Variants in ROBO2 observed in about 807,000 individuals in gnomAD.
The protein encoded by ROBO2 is roundabout guidance receptor 2.
A neutral mutation model predicts 160.8 loss-of-function variants in ROBO2; 53 were observed. The observed-to-expected ratio is 0.33, with a 90% confidence interval of 0.26 to 0.41. ROBO2 has a LOEUF of 0.41. Among genes scored for constraint, ROBO2 ranks in the 10% least tolerant of loss-of-function variants. The pLI is 1.00. For synonymous variants in ROBO2, 664 were observed against 611.7 expected (o/e 1.09, Z -1.26); for missense variants, 1,577 against 1,722.4 (o/e 0.92, Z 1.49).
intron 2 of ROBO2, among the ~76,000 whole-genome samples, chr3:77,345,336 T>C (rs1300676094): frequency 6.6e-6 from 1 of 152,088 alleles, no homozygotes; most frequent in East Asian, 1.9e-4. Context: ...CATGGCAGAC[T>C]TGGAAATCAC....
chr3:77,084,610 C>T (rs1192864239), intron 1 of ROBO2, among the ~76,000 whole-genome samples: 1 of 152,026 alleles, frequency 6.6e-6, no homozygotes, highest in Non-Finnish European at 1.5e-5. Context: ...GAGGTTAATT[C>T]CATGTCCACA....
Position 76,769,943 on chromosome 3 carries a change from A to G in ROBO2, c.110-328071A>G, listed in dbSNP as rs774612581. ...TTCCTGCAGTCTCTCTTAAATGACT[A>G]TTTTCCATTCTTGAATAATTACTGG... On this transcript the variant is annotated intron_variant, in intron 2 of 26. Transcript: ENST00000487694. Among the ~76,000 whole-genome samples, 149 of 151,472 alleles carry G rather than the reference A, an allele frequency of 9.8e-4. 2 individuals carry two copies. The highest frequency in any genetic ancestry group is 1.9e-3 in the Non-Finnish European group (128 of 67,586).
chr3:76,406,101 TATTG>T (rs1188601179), intron 2 of ROBO2, among the ~76,000 whole-genome samples: 1 of 151,766 alleles, frequency 6.6e-6, no homozygotes, highest in African/African-American at 2.4e-5. Context: ...TTCATTTCAG[TATTG>T]ATTGTATTCA....
At chr3:76,251,765 C>A (rs1576103672) in intron 2 of ROBO2, among the ~76,000 whole-genome samples, 1 of 151,902 alleles carries the variant, frequency 6.6e-6, no homozygotes, top group Non-Finnish European at 1.5e-5. Context: ...GGATAAAATC[C>A]TCAGTGGATG....
chr3:77,183,504 A>ACAGTGGAAAGAC (rs1171396764), intron 2 of ROBO2, among the ~76,000 whole-genome samples: 3 of 152,002 alleles, frequency 2.0e-5, no homozygotes, highest in Non-Finnish European at 4.4e-5. Flanking sequence ...ACAAACACAC[A>ACAGTGGAAAGAC]CAGTGGAAAG....
chr3:76,095,831 A>G (rs1358641353), intron 2 of ROBO2, among the ~76,000 whole-genome samples: 4 of 151,982 alleles, frequency 2.6e-5, no homozygotes, highest in African/African-American at 9.7e-5. Context: ...CTAACATACA[A>G]ACAAAGCAAA....
At chr3:76,196,294 A>G (rs902271058) in intron 2 of ROBO2, among the ~76,000 whole-genome samples, 4 of 152,194 alleles carry the variant, frequency 2.6e-5, no homozygotes, top group African/African-American at 9.6e-5. Context: ...CACTATCCTA[A>G]GAATCATATA....
At chr3:77,250,709 G>A (rs1330234712) in intron 2 of ROBO2, among the ~76,000 whole-genome samples, 1 of 152,174 alleles carries the variant, frequency 6.6e-6, no homozygotes, top group Non-Finnish European at 1.5e-5. Flanking sequence ...AGATGCATCT[G>A]GTGTTGGCCT....
At chr3:77,097,179 A>G (rs981451356) in intron 1 of ROBO2, among the ~76,000 whole-genome samples, 2 of 152,190 alleles carry the variant, frequency 1.3e-5, no homozygotes, top group African/African-American at 4.8e-5. Flanking sequence ...CTTCCTGATT[A>G]TGAAATGTAC....
At chr3:77,299,571 A>G (rs1384496998) in intron 2 of ROBO2, among the ~76,000 whole-genome samples, 1 of 152,176 alleles carries the variant, frequency 6.6e-6, no homozygotes. Flanking sequence ...AAACCATCAG[A>G]TTCCCTGAGA....
At chr3:76,388,045 G>A (rs993018370) in intron 2 of ROBO2, among the ~76,000 whole-genome samples, 9 of 152,102 alleles carry the variant, frequency 5.9e-5, no homozygotes, top group African/African-American at 1.2e-4. Flanking sequence ...AGTTTCTTCC[G>A]GTAAACATAC....
intron 2 of ROBO2, among the ~76,000 whole-genome samples, chr3:77,362,904 G>A (rs982772671): frequency 1.2e-4 from 18 of 152,048 alleles, no homozygotes; most frequent in African/African-American, 3.9e-4. Flanking sequence ...TTCATTATCA[G>A]GAGAACAGCA....
In ROBO2 at chr3:76,020,007, G is replaced by A. The variant is rs552924181; in HGVS notation, c.109+82405G>A. Among the ~76,000 whole-genome samples the A allele has an allele frequency of 5.9e-5, 9 of 152,048 alleles. No homozygotes were observed. The East Asian group carries it at 1.5e-3, about 26-fold the overall frequency. ...TTCGGTTTTCTCTGAAGCTCCATGT[G>A]TATCTGAGAATACTGTGTATTCCTT... is the stretch of plus-strand genomic sequence containing the variant. On this transcript the variant is annotated intron_variant, in intron 2 of 26. Transcript: ENST00000487694.
At chr3:76,678,590 ATTTTTG>A (rs2092474101) in intron 2 of ROBO2, among the ~76,000 whole-genome samples, 1 of 152,078 alleles carries the variant, frequency 6.6e-6, no homozygotes, top group Non-Finnish European at 1.5e-5. Flanking sequence ...AGGATCTATG[ATTTTTG>A]TTTTTGTTTT....
chr3:76,705,098 G>C (rs267156), intron 2 of ROBO2, among the ~76,000 whole-genome samples: 74,617 of 151,802 alleles, frequency 0.49, 18,594 homozygotes, highest in Non-Finnish European at 0.53. Context: ...AAGTGAATGA[G>C]ATTTTAGTTA....
At chr3:75,943,800 C>T (rs535724681) in intron 2 of ROBO2, among the ~76,000 whole-genome samples, 1 of 152,060 alleles carries the variant, frequency 6.6e-6, no homozygotes, top group East Asian at 1.9e-4. Flanking sequence ...CTCCCGGGCT[C>T]AATGGTTCTC....
intron 2 of ROBO2, among the ~76,000 whole-genome samples, chr3:76,192,185 T>A (rs1242708021): frequency 6.7e-6 from 1 of 150,094 alleles, no homozygotes. Flanking sequence ...TTACAAATCC[T>A]GCCATTTCCC....
intron 2 of ROBO2, among the ~76,000 whole-genome samples, chr3:77,015,777 C>T (rs1437572466): frequency 6.6e-6 from 1 of 152,058 alleles, no homozygotes; most frequent in African/African-American, 2.4e-5. Flanking sequence ...AGCCCCAGGC[C>T]CACAATTTGA....
chr3:77,242,777 T>C (rs1342944555), intron 2 of ROBO2, among the ~76,000 whole-genome samples: 1 of 151,636 alleles, frequency 6.6e-6, no homozygotes, highest in East Asian at 1.9e-4. Context: ...GCTACTTTAT[T>C]AGGAAGTCTA....
Sources: allele counts gnomAD v4.1 joint callset (sites outside exome capture counted in the v4.1 genomes callset), GRCh38; gene constraint gnomAD v4.1.1; transcripts MANE v1.5; gene names NCBI Gene and HGNC (gene_info 2026-07-23, HGNC 2026-07-21).